ARSF: variants seen among roughly 807,000 people sequenced by gnomAD.
The protein encoded by ARSF is arylsulfatase F.
Under a neutral mutation model 35.4 loss-of-function variants are expected in ARSF, and 33 were observed. The observed-to-expected ratio is 0.93, with a 90% CI of 0.71 to 1.25. The LOEUF (loss-of-function observed/expected upper bound fraction) is 1.25. ARSF is among the 50% of genes most tolerant of loss of function. The pLI is 0.00. For synonymous variants in ARSF, 222 were observed against 193.1 expected, an observed-to-expected ratio of 1.15 and a Z score of -1.24; for missense variants, 501 against 480.2, an observed-to-expected ratio of 1.04 and a Z score of -0.40.
chrX:3,089,106 T>C (rs2090269700), intron 6 of ARSF, among the ~76,000 whole-genome samples: 1 of 112,251 alleles, frequency 8.9e-6, no homozygotes, highest in Non-Finnish European at 1.9e-5. Flanking sequence ...TATGTTATCA[T>C]CCTGTAACAG....
rs141074236 is a variant in ARSF, at chrX:3,101,106, C to A, written c.987C>A (p.Ile329=). Residue 329 remains isoleucine, a synonymous_variant, in exon 8 of 11, where the codon ATC becomes ATA. Transcript: ENST00000381127. ...DSMVGKILDA[I]DDFGLRNNTL... is the part of the protein sequence containing the mutation. ...TTTTAGGCAAGATTCTTGATGCTAT[C>A]GATGATTTTGGCCTAAGGAACAACA... 3 of 1,208,867 alleles carry A rather than the reference C, an allele frequency of 2.5e-6. No individual in the cohort carries two copies. The highest frequency in any genetic ancestry group is 3.4e-6 in the Non-Finnish European group (3 of 893,945).
intron 9 of ARSF, among the ~76,000 whole-genome samples, chrX:3,104,452 A>T (rs1157558046): frequency 8.9e-6 from 1 of 111,988 alleles, no homozygotes; most frequent in East Asian, 2.8e-4. Flanking sequence ...AACACTTTTT[A>T]AAAAGTTAAT....
intron 7 of ARSF, among the ~76,000 whole-genome samples, chrX:3,091,747 G>A (rs1445790102): frequency 8.9e-6 from 1 of 111,991 alleles, no homozygotes; most frequent in Admixed American, 9.5e-5. Flanking sequence ...TATAGAAACA[G>A]ATGATTGACA....
At chrX:3,109,525 A>C (rs922674814) in intron 9 of ARSF, among the ~76,000 whole-genome samples, 1 of 110,751 alleles carries the variant, frequency 9.0e-6, no homozygotes, top group African/African-American at 3.3e-5. Flanking sequence ...GGTTTCTATT[A>C]AATTCATCAC....
At chrX:3,105,788 A>G (rs1276999492) in intron 9 of ARSF, among the ~76,000 whole-genome samples, 1 of 112,161 alleles carries the variant, frequency 8.9e-6, no homozygotes, top group Non-Finnish European at 1.9e-5. Context: ...TTAAAAAACC[A>G]CTGTGAAGTT....
At chrX:3,080,185 G>A (rs1263487663) in intron 4 of ARSF, among the ~76,000 whole-genome samples, 1 of 90,763 alleles carries the variant, frequency 1.1e-5, no homozygotes, top group Non-Finnish European at 2.2e-5. Flanking sequence ...GAAAGAAAAG[G>A]TCTTTTTTGG....
At chrX:3,043,345 T>G (rs1416317864) in intron 1 of ARSF, among the ~76,000 whole-genome samples, 1 of 112,086 alleles carries the variant, frequency 8.9e-6, no homozygotes, top group East Asian at 2.8e-4. Context: ...TTCAAAAAAA[T>G]TTTTATGTAA....
At chrX:3,084,699 T>C in intron 6 of ARSF, 33 bp downstream of exon 6, 1 of 1,123,867 alleles carries the variant, frequency 8.9e-7, no homozygotes, top group Non-Finnish European at 1.2e-6. Flanking sequence ...CATGTAATAA[T>C]GATAATGATC....
chrX:3,083,169 A>T (rs1275122118), intron 5 of ARSF, among the ~76,000 whole-genome samples: 2 of 110,867 alleles, frequency 1.8e-5, no homozygotes, highest in Non-Finnish European at 3.8e-5. Flanking sequence ...CTATCCATGC[A>T]TCCACTTACA....
At chrX:3,076,520 C>T in intron 3 of ARSF, 28 bp from the exon 4 acceptor site, 1 of 1,178,324 alleles carries the variant, frequency 8.5e-7, no homozygotes, top group Non-Finnish European at 1.1e-6. Context: ...TTCCTTCTCT[C>T]CAATACACCT....
chrX:3,110,282 C>T (rs2090436405), intron 10 of ARSF, 30 bp downstream of exon 10: 2 of 1,123,753 alleles, frequency 1.8e-6, no homozygotes, highest in Non-Finnish European at 2.4e-6. Context: ...CTTCCTGTTC[C>T]CTGCCAGGAG....
chrX:3,077,918 C>T (rs921638744), intron 4 of ARSF, among the ~76,000 whole-genome samples: 3 of 104,665 alleles, frequency 2.9e-5, no homozygotes, highest in Non-Finnish European at 5.8e-5. Flanking sequence ...ATTCTACTGC[C>T]TCAGCCTCCT....
intron 1 of ARSF, chrX:3,066,911 C>A (rs1193083606): frequency 1.9e-5 from 1 of 51,452 alleles, no homozygotes; most frequent in Non-Finnish European, 3.4e-5. Flanking sequence ...ATTTTCTCAG[C>A]CTTTTTTTTT....
chrX:3,045,488 T>C (rs1028729694), intron 1 of ARSF, among the ~76,000 whole-genome samples: 3 of 110,712 alleles, frequency 2.7e-5, no homozygotes, highest in South Asian at 7.7e-4. Context: ...ACCATTTTCA[T>C]AGGGCATGTA....
intron 9 of ARSF, among the ~76,000 whole-genome samples, chrX:3,108,835 G>A (rs2090425816): frequency 9.0e-6 from 1 of 111,387 alleles, no homozygotes; most frequent in African/African-American, 3.3e-5. Context: ...TGACCAACAT[G>A]GTGAAACCCC....
rs367903874 is a variant in ARSF at position 3,112,208 on chromosome X, G to A, written c.1425G>A (p.Pro475=). ...GSVWKAHYVT[P]VFQPPASGGC... Reference sequence around the variant, plus strand: ...TTTGGAAGGCTCACTATGTGACCCCGGTATTCCAGCCACCAGCTTCTGGTG... The same window carrying A: ...TTTGGAAGGCTCACTATGTGACCCCAGTATTCCAGCCACCAGCTTCTGGTG... The change falls in exon 11 of 11, where the codon CCG becomes CCA. Residue 475 remains proline, a synonymous_variant. Transcript: ENST00000381127. 2.0e-5 allele frequency: 24 copies of A among 1,207,207 alleles called. No homozygotes were observed. Among genetic ancestry groups the A allele is most frequent in the South Asian group, 7.1e-5 (4 of 56,362 alleles).
At chrX:3,104,007 A>G (rs2090397214) in intron 9 of ARSF, 83 bp downstream of exon 9, 1 of 1,032,677 alleles carries the variant, frequency 9.7e-7, no homozygotes, top group Non-Finnish European at 1.3e-6. Flanking sequence ...GACTGACTCT[A>G]TCCTGGCAGA....
rs181447384 is a variant in ARSF at position 3,095,966 on chromosome X, A to C, written c.968-5121A>C. On this transcript the variant is annotated intron_variant, in intron 7 of 10. Transcript: ENST00000381127. ...TTATATATATCTAACAATATAACTT[A>C]TAAAACATTTTTATTATATACATAA... 2.1e-3 allele frequency among the ~76,000 whole-genome samples: 224 copies of C among 108,391 alleles called. 1 individual carries two copies. The highest frequency in any genetic ancestry group is 6.5e-3 in the African/African-American group (198 of 30,250). 94.1% of individuals were successfully genotyped at this position (108,391 alleles called of 115,157 possible).
intron 2 of ARSF, among the ~76,000 whole-genome samples, chrX:3,071,008 CTGCAGATCTA>C (rs914500018): frequency 1.9e-4 from 20 of 103,457 alleles, no homozygotes; most frequent in African/African-American, 6.8e-4. Flanking sequence ...AGATAGATAC[CTGCAGATCTA>C]TACAGATAAA....
Sources: gnomAD v4.1 joint callset for allele counts (sites outside exome capture counted in the v4.1 genomes callset) on GRCh38, gnomAD v4.1.1 for gene constraint, MANE v1.5 for transcripts, NCBI Gene and HGNC (gene_info 2026-07-23, HGNC 2026-07-21) for gene names.